SEMA5B: variants seen among roughly 807,000 people sequenced by gnomAD.
SEMA5B encodes semaphorin-5B.
In SEMA5B, 66 loss-of-function variants were observed where a neutral mutation model predicts 135.0. That is an observed-to-expected ratio of 0.49 (90% confidence interval 0.40 to 0.60). The LOEUF is 0.60. Ranked by LOEUF, SEMA5B falls within the 20% of genes least tolerant of loss-of-function variation. The pLI is 0.00. For missense variants in SEMA5B, 1,501 were observed against 1,566.3 expected (o/e 0.96, Z 0.70); for synonymous variants, 690 against 639.5 (o/e 1.08, Z -1.19).
chr3:123,006,363 C>T (rs1942310540), intron 1 of SEMA5B, among the ~76,000 whole-genome samples: 1 of 152,176 alleles, frequency 6.6e-6, no homozygotes, highest in Non-Finnish European at 1.5e-5. Context: ...CAGGAACTAA[C>T]AAATGCTCCC....
intron 4 of SEMA5B, among the ~76,000 whole-genome samples, chr3:122,939,944 A>G (rs975462083): frequency 6.6e-6 from 1 of 151,990 alleles, no homozygotes; most frequent in Non-Finnish European, 1.5e-5. Context: ...CAGGCCAGCC[A>G]TCTCTCCTGG....
chr3:122,937,430 T>C (rs955994314), intron 5 of SEMA5B, among the ~76,000 whole-genome samples: 1 of 152,196 alleles, frequency 6.6e-6, no homozygotes, highest in African/African-American at 2.4e-5. Context: ...ACCTCTTGCT[T>C]GTTCTCTCCC....
At chr3:122,986,337 A>G (rs1941694177) in intron 1 of SEMA5B, among the ~76,000 whole-genome samples, 1 of 152,254 alleles carries the variant, frequency 6.6e-6, no homozygotes, top group Non-Finnish European at 1.5e-5. Context: ...AAAGCTAGTT[A>G]CATGTTTATT....
At chr3:122,994,391 C>G (rs1283067552) in intron 1 of SEMA5B, among the ~76,000 whole-genome samples, 2 of 152,234 alleles carry the variant, frequency 1.3e-5, no homozygotes, top group Non-Finnish European at 2.9e-5. Flanking sequence ...TTACCTCCTT[C>G]TTTGCAAACA....
Position 122,913,015 on chromosome 3 carries a change from C to T in SEMA5B, c.2553G>A (p.Thr851=), listed in dbSNP as rs968975847. The T allele has an allele frequency of 2.5e-6, 4 of 1,598,488 alleles. No homozygotes were observed. The highest frequency in any genetic ancestry group is 2.7e-5 in the African/African-American group (2 of 74,446). The change falls in exon 18 of 23, where the codon ACG becomes ACA. Residue 851 remains threonine (T), a synonymous_variant. Coordinates refer to ENST00000357599, the MANE Select transcript of SEMA5B (RefSeq NM_001031702.4). ...LLRSGSTSPH[T]VSGGWAAWGP... ...CCCAGGCGGCCCAGCCCCCGCTCACCGTGTGCGGGGAGGTGCTCCCGCTGC... is the reference window on the plus strand; with the variant it reads ...CCCAGGCGGCCCAGCCCCCGCTCACTGTGTGCGGGGAGGTGCTCCCGCTGC...
intron 1 of SEMA5B, among the ~76,000 whole-genome samples, chr3:123,006,106 C>G (rs1445685557): frequency 6.6e-6 from 1 of 152,180 alleles, no homozygotes; most frequent in Non-Finnish European, 1.5e-5. Context: ...AAGCACTGTC[C>G]ACTCATGAAG....
rs550515815 is a variant in SEMA5B at position 122,993,163 on chromosome 3, G to A, written c.-38-31862C>T. On this transcript the variant is annotated intron_variant, in intron 1 of 22. Coordinates refer to ENST00000357599, the MANE Select transcript of SEMA5B (RefSeq NM_001031702.4). Reference sequence around the variant, plus strand: ...GAAAACCTGACCAGCAGCTCCAGACGGCTTGGTCTGGCCGCAGAAAAGCAG... The same window carrying A: ...GAAAACCTGACCAGCAGCTCCAGACAGCTTGGTCTGGCCGCAGAAAAGCAG... The A allele has an allele frequency of 5.9e-5, 9 of 152,402 alleles. No homozygotes were observed. The South Asian group carries it at 1.9e-3, about 32-fold the overall frequency. 9.4% of individuals were successfully genotyped at this position (152,402 alleles called of 1,614,324 possible). A position where few individuals can be genotyped will look rare whatever the true frequency, so the allele number is the denominator to read the frequency against.
Position 122,927,858 on chromosome 3 carries a change from G to A in SEMA5B, c.782C>T (p.Ala261Val), listed in dbSNP as rs774530740. The change falls in exon 8 of 23, where the codon GCC becomes GTC. Residue 261 changes from alanine (A) to valine (V), a missense_variant. By Grantham distance (64) the Ala-to-Val change is moderately conservative. This residue lies in a region of SEMA5B where 574 missense variants were observed against 684.7 expected (regional missense o/e 0.84). Transcript: ENST00000357599. ...CCCACTGCCCAGGCTGCGGTAGATG[G>A]CAGGGTCCCGACCTGAGAAGTCGAT... ...TVIDFSGRDP[A>V]IYRSLGSGPP... is the part of the protein sequence containing the mutation. 2 of 1,587,646 alleles carry A rather than the reference G, an allele frequency of 1.3e-6. No homozygotes were observed. Among genetic ancestry groups the A allele is most frequent in the East Asian group, 2.3e-5 (1 of 42,934 alleles).
chr3:122,948,264 ATGCATGAAGGGCCTGAATAAATTACGGAG>A lies in SEMA5B; in HGVS notation c.328+213_328+241del, dbSNP rs1193322852. On this transcript the variant is annotated intron_variant, in intron 3 of 22. Transcript: ENST00000357599. ...AAGACTCCCCTTACCCCAGGTTGGC[ATGCATGAAGGGCCTGAATAAATTACGGAG>A]AGACAAAAATTAGACCCCTCCAGCC... Among the ~76,000 whole-genome samples, 3 of 152,304 alleles carry A rather than the reference ATGCATGAAGGGCCTGAATAAATTACGGAG, an allele frequency of 2.0e-5. No homozygotes were observed. In the East Asian group the frequency reaches 5.8e-4, roughly 29 times the overall value.
At chr3:122,995,859 C>T (rs1942011086) in intron 1 of SEMA5B, among the ~76,000 whole-genome samples, 1 of 152,200 alleles carries the variant, frequency 6.6e-6, no homozygotes, top group Non-Finnish European at 1.5e-5. Flanking sequence ...CACTCTGAGC[C>T]TCCATTTCTC....
rs144262152 is a variant in SEMA5B, at chr3:122,987,921, G to A, written c.-38-26620C>T. ...GCAGTGCTCCAGAATGTGGTTACTG[G>A]ATCTTTGCAAGTCACTGGTTACTTA... On this transcript the variant is annotated intron_variant, in intron 1 of 22. Transcript: ENST00000357599. Among the ~76,000 whole-genome samples the A allele has an allele frequency of 6.3e-3, 962 of 152,084 alleles. 5 individuals carry two copies. The highest frequency in any genetic ancestry group is 0.022 in the African/African-American group (907 of 41,452).
chr3:122,933,040 C>A (rs1939063779), intron 5 of SEMA5B, among the ~76,000 whole-genome samples: 1 of 152,096 alleles, frequency 6.6e-6, no homozygotes, highest in South Asian at 2.1e-4. Context: ...TTTCTTACTG[C>A]ATGCACAAAT....
At position 122,913,245 on chromosome 3, in the gene SEMA5B, C is replaced by G; in HGVS notation, c.2460G>C (p.Glu820Asp). 2 of 1,586,152 alleles carry G rather than the reference C, an allele frequency of 1.3e-6. No homozygotes were observed. Among genetic ancestry groups the G allele is most frequent in the South Asian group, 1.1e-5 (1 of 88,414 alleles). ...AGCCGTCCGCGGGACAGGTCCTCGT[C>G]TCGGTCCTTCTCCTGCCGAACTGCA... ...HGLQFGRRRT[E>D]TRTCPADGSG... Residue 820 changes from glutamate (E) to aspartate (D), a missense_variant, in exon 17 of 23, where the codon GAG (glutamate) becomes GAC (aspartate). By Grantham distance (45) the Glu-to-Asp change is conservative. Coordinates refer to ENST00000357599, the MANE Select transcript of SEMA5B (RefSeq NM_001031702.4).
At chr3:122,991,741 G>C (rs1941883304) in intron 1 of SEMA5B, among the ~76,000 whole-genome samples, 1 of 151,972 alleles carries the variant, frequency 6.6e-6, no homozygotes, top group Admixed American at 6.5e-5. Context: ...GGTGGGGGTG[G>C]GGGTGCACCA....
chr3:122,940,590 G>A (rs1183746114), intron 4 of SEMA5B, among the ~76,000 whole-genome samples: 1 of 152,252 alleles, frequency 6.6e-6, no homozygotes, highest in African/African-American at 2.4e-5. Flanking sequence ...CAGCTGAGGA[G>A]GGAAATGAGG....
chr3:122,909,355 T>A lies in SEMA5B; in HGVS notation c.*788A>T, dbSNP rs1937599311. 2.6e-5 allele frequency: 4 copies of A among 152,648 alleles called. No individual in the cohort carries two copies. In the South Asian group the frequency reaches 8.3e-4, roughly 32 times the overall value. The allele number at this position is 152,648 out of a possible 1,614,324, so 9.5% of individuals were successfully genotyped here. ...TCCCAAGCAGGTCTCAGCCAACAAC[T>A]CTGTTGAGCAGCAACTGGAAGATAG... On this transcript the variant is annotated 3_prime_UTR_variant, in exon 23 of 23. Coordinates refer to ENST00000357599, the MANE Select transcript of SEMA5B (RefSeq NM_001031702.4).
intron 1 of SEMA5B, chr3:122,993,386 T>A (rs986624442): frequency 1.3e-5 from 2 of 152,250 alleles, no homozygotes; most frequent in African/African-American, 4.8e-5. Flanking sequence ...CCGTGTTTCC[T>A]CAAAGCTGCC....
At chr3:122,985,702 T>C (rs1406183648) in intron 1 of SEMA5B, among the ~76,000 whole-genome samples, 1 of 152,104 alleles carries the variant, frequency 6.6e-6, no homozygotes, top group Non-Finnish European at 1.5e-5. Context: ...GCTGGAATCT[T>C]GCGGGAGGAG....
At chr3:123,026,902 G>C (rs1351458035) in intron 1 of SEMA5B, among the ~76,000 whole-genome samples, 2 of 152,222 alleles carry the variant, frequency 1.3e-5, no homozygotes, top group African/African-American at 4.8e-5. Context: ...GGCCTGGTCA[G>C]GGCAAGAGTG....
Sources: allele counts gnomAD v4.1 joint callset (sites outside exome capture counted in the v4.1 genomes callset), GRCh38; gene constraint gnomAD v4.1.1; regional missense constraint gnomAD v4.1.1; transcripts MANE v1.5; gene names NCBI Gene and HGNC (gene_info 2026-07-23, HGNC 2026-07-21).